UTP14C: variants seen among roughly 807,000 people sequenced by gnomAD.
UTP14C encodes the protein UTP14C small subunit processome component.
UTP14C carries 10 observed loss-of-function variants against 14.6 expected under a neutral mutation model. The observed-to-expected ratio is 0.68, with a 90% confidence interval of 0.42 to 1.16. The LOEUF is 1.16. Among genes scored for constraint, UTP14C ranks in the 50% most tolerant of loss-of-function variants. The probability of loss-of-function intolerance (pLI) is 0.00; values close to 1 mark genes in which losing one functional copy is unlikely to be tolerated. For synonymous variants in UTP14C, 315 were observed against 331.6 expected, an observed-to-expected ratio of 0.95 and a Z score of 0.54; for missense variants, 818 against 890.8, an observed-to-expected ratio of 0.92 and a Z score of 1.04.
In UTP14C at chr13:52,029,775, A is replaced by G; in HGVS notation, c.971A>G (p.Glu324Gly). The change falls in exon 2 of 2, where the codon GAA (glutamate) becomes GGA (glycine). Residue 324 changes from glutamate (E) to glycine (G), a missense_variant. Transcript: ENST00000521776. ...YDLEARQAMQ[E>G]QLAKNKELTQ... is the part of the protein sequence containing the mutation. ...CTGGAGGCTCGCCAAGCTATGCAGG[A>G]ACAGTTGGCCAAGAACAAAGAACTG... 1 of 1,614,252 alleles carries G rather than the reference A, an allele frequency of 6.2e-7. No homozygotes were observed. The highest frequency in any genetic ancestry group is 8.5e-7 in the Non-Finnish European group (1 of 1,180,044).
In UTP14C at chr13:52,031,017, A is replaced by G. The variant is rs1314789111; in HGVS notation, c.2213A>G (p.Tyr738Cys). The G allele has an allele frequency of 6.2e-7, 1 of 1,614,228 alleles. No individual in the cohort carries two copies. The highest frequency in any genetic ancestry group is 1.1e-5 in the South Asian group (1 of 91,086). The change falls in exon 2 of 2, where the codon TAC (tyrosine) becomes TGC (cysteine). Residue 738 changes from tyrosine to cysteine, a missense_variant. Transcript: ENST00000521776. Reference protein sequence around the residue: ...IKPIKAEDVGYQSSSRSDLPV... With the variant: ...IKPIKAEDVGCQSSSRSDLPV... Reference sequence around the variant, plus strand: ...CCCATAAAAGCAGAGGATGTGGGCTACCAGTCTTCCTCAAGGTCAGACCTG... The same window carrying G: ...CCCATAAAAGCAGAGGATGTGGGCTGCCAGTCTTCCTCAAGGTCAGACCTG...
chr13:52,029,849 A>C lies in UTP14C; in HGVS notation c.1045A>C (p.Thr349Pro). The C allele has an allele frequency of 1.2e-6, 2 of 1,614,220 alleles. No individual in the cohort carries two copies. The highest frequency in any genetic ancestry group is 1.7e-6 in the Non-Finnish European group (2 of 1,180,040). Reference sequence around the variant, plus strand: ...TGAGAGTGAGGAAGAGGAGGGAGGCACAGAAGTGGAAGAACTCCTTGTCCC... The same window carrying C: ...TGAGAGTGAGGAAGAGGAGGGAGGCCCAGAAGTGGAAGAACTCCTTGTCCC... ...ASESEEEEGG[T>P]EVEELLVPHV... The change falls in exon 2 of 2, where the codon ACA becomes CCA. Residue 349 changes from threonine to proline, a missense_variant. Transcript: ENST00000521776.
chr13:52,025,235 AGAAACTCAGGCACAG>A (rs1246927556), intron 1 of UTP14C, among the ~76,000 whole-genome samples: 2 of 151,406 alleles, frequency 1.3e-5, no homozygotes, highest in Admixed American at 6.6e-5. Context: ...TTATAAATAA[AGAAACTCAGGCACAG>A]GAAGGTTTAG....
chr13:52,028,239 T>G, intron 1 of UTP14C, 80 bp from the exon 2 acceptor site: 1 of 1,564,060 alleles, frequency 6.4e-7, no homozygotes, highest in Non-Finnish European at 8.8e-7. Context: ...TTAAATTTTT[T>G]GAAGATTTCT....
rs975448591 is a variant in UTP14C at position 52,030,712 on chromosome 13, G to A, written c.1908G>A (p.Val636=). 1.2e-6 allele frequency: 2 copies of A among 1,613,964 alleles called. No individual in the cohort carries two copies. Among genetic ancestry groups the A allele is most frequent in the Non-Finnish European group, 1.7e-6 (2 of 1,179,914 alleles). ...TLPGWGEWGG[V]GLKPSAKKRR... Reference sequence around the variant, plus strand: ...CTGGCTGGGGCGAGTGGGGTGGTGTGGGCCTAAAGCCCAGTGCCAAGAAAA... The same window carrying A: ...CTGGCTGGGGCGAGTGGGGTGGTGTAGGCCTAAAGCCCAGTGCCAAGAAAA... Residue 636 remains valine, a synonymous_variant, in exon 2 of 2, where the codon GTG becomes GTA. Coordinates refer to ENST00000521776, the MANE Select transcript of UTP14C (RefSeq NM_021645.6).
At position 52,030,767 on chromosome 13, in the gene UTP14C, G is replaced by C. The variant is rs1346767363; in HGVS notation, c.1963G>C (p.Gly655Arg). The C allele has an allele frequency of 1.2e-6, 2 of 1,614,128 alleles. No individual in the cohort carries two copies. Among genetic ancestry groups the C allele is most frequent in the East Asian group, 2.2e-5 (1 of 44,870 alleles). Residue 655 changes from glycine (G) to arginine (R), a missense_variant, in exon 2 of 2, where the codon GGT becomes CGT. Physicochemically the swap from Gly to Arg is moderately radical, Grantham distance 125. Coordinates refer to ENST00000521776, the MANE Select transcript of UTP14C (RefSeq NM_021645.6). Reference protein sequence around the residue: ...RRQFLIKAPEGPPRKDKNLPN... With the variant: ...RRQFLIKAPERPPRKDKNLPN... ...CCAGTTTCTCATTAAAGCCCCTGAG[G>C]GTCCTCCAAGAAAAGATAAGAATTT...
At chr13:52,027,180 A>G (rs1045220553) in intron 1 of UTP14C, among the ~76,000 whole-genome samples, 3 of 152,314 alleles carry the variant, frequency 2.0e-5, no homozygotes, top group Middle Eastern at 3.4e-3. Context: ...TCAAAAGTCA[A>G]GCACTCAGAA....
chr13:52,033,374 ATTAT>A lies in UTP14C; in HGVS notation c.*2273_*2276del, dbSNP rs1354274093. 2 of 167,082 alleles carry A rather than the reference ATTAT, an allele frequency of 1.2e-5. No homozygotes were observed. The highest frequency in any genetic ancestry group is 1.5e-5 in the Non-Finnish European group (1 of 68,116). 10.3% of individuals were successfully genotyped at this position (167,082 alleles called of 1,614,324 possible). A position where few individuals can be genotyped will look rare whatever the true frequency, so the allele number is the denominator to read the frequency against. The stretch of plus-strand genomic sequence containing the variant: ...TTTTGTGTAATAATTATTTGTAAAT[ATTAT>A]TTAGATTTGTATTTAGACATGATTT... On this transcript the variant is annotated 3_prime_UTR_variant, in exon 2 of 2. Transcript: ENST00000521776.
In UTP14C at chr13:52,029,879, G is replaced by T; in HGVS notation, c.1075G>T (p.Val359Leu). ...TEVEELLVPHVANEVQMNVDG... is the reference protein window; with the variant it reads ...TEVEELLVPHLANEVQMNVDG... Reference sequence around the variant, plus strand: ...AGTGGAAGAACTCCTTGTCCCTCATGTAGCGAATGAAGTGCAGATGAATGT... The same window carrying T: ...AGTGGAAGAACTCCTTGTCCCTCATTTAGCGAATGAAGTGCAGATGAATGT... The change falls in exon 2 of 2, where the codon GTA (valine) becomes TTA (leucine). Residue 359 changes from valine to leucine, a missense_variant. Transcript: ENST00000521776. 4 of 1,614,224 alleles carry T rather than the reference G, an allele frequency of 2.5e-6. No homozygotes were observed. The highest frequency in any genetic ancestry group is 3.4e-6 in the Non-Finnish European group (4 of 1,180,040).
At position 52,029,500 on chromosome 13, in the gene UTP14C, G is replaced by T; in HGVS notation, c.696G>T (p.Leu232=). 6.2e-7 allele frequency: 1 copy of T among 1,614,208 alleles called. No individual in the cohort carries two copies. Among genetic ancestry groups the T allele is most frequent in the South Asian group, 1.1e-5 (1 of 91,086 alleles). ...HRAELQRARA[L]QSYYEAKARK... is the part of the protein sequence containing the mutation. ...CAGAGCTTCAGAGGGCTCGGGCTCT[G>T]CAGTCCTACTATGAGGCCAAGGCTC... is the stretch of plus-strand genomic sequence containing the variant. The change falls in exon 2 of 2, where the codon CTG becomes CTT. Residue 232 remains leucine (L), a synonymous_variant. Coordinates refer to ENST00000521776, the MANE Select transcript of UTP14C (RefSeq NM_021645.6).
intron 1 of UTP14C, 142 bp downstream of exon 1, chr13:52,025,079 A>C: frequency 2.2e-6 from 2 of 898,242 alleles, no homozygotes; most frequent in Non-Finnish European, 3.5e-6. Context: ...TCCTCACTTG[A>C]GACCTTGTAA....
Position 52,030,691 on chromosome 13 carries a change from C to G in UTP14C, c.1887C>G (p.Gly629=). The part of the protein sequence containing the change: ...KPKDVDLTLP[G]WGEWGGVGLK... ...AGGACGTGGACCTGACACTACCTGG[C>G]TGGGGCGAGTGGGGTGGTGTGGGCC... The change falls in exon 2 of 2, where the codon GGC becomes GGG. Residue 629 remains glycine (G), a synonymous_variant. Coordinates refer to ENST00000521776, the MANE Select transcript of UTP14C (RefSeq NM_021645.6). 2 of 1,614,204 alleles carry G rather than the reference C, an allele frequency of 1.2e-6. No individual in the cohort carries two copies. Among genetic ancestry groups the G allele is most frequent in the South Asian group, 2.2e-5 (2 of 91,088 alleles).
At position 52,032,750 on chromosome 13, in the gene UTP14C, A is replaced by C. The variant is rs1954317718; in HGVS notation, c.*1645A>C. On this transcript the variant is annotated 3_prime_UTR_variant, in exon 2 of 2. Transcript: ENST00000521776. ...TCCCATTTAGAAAAAGACTGGTAGA[A>C]ATTGGAGTGAAAGGAACCCTACAGA... The C allele has an allele frequency of 6.0e-6, 1 of 167,114 alleles. No homozygotes were observed. Among genetic ancestry groups the C allele is most frequent in the Non-Finnish European group, 1.5e-5 (1 of 68,118 alleles). 10.4% of individuals were successfully genotyped at this position (167,114 alleles called of 1,614,324 possible). A position where few individuals can be genotyped will look rare whatever the true frequency, so the allele number is the denominator to read the frequency against.
intron 1 of UTP14C, among the ~76,000 whole-genome samples, chr13:52,026,200 G>T (rs116389781): frequency 6.6e-6 from 1 of 152,214 alleles, no homozygotes. Flanking sequence ...CCAAGGAAAT[G>T]ATGTGACACT....
rs1954306008 is a variant in UTP14C, at chr13:52,031,588, G to C, written c.*483G>C. On this transcript the variant is annotated 3_prime_UTR_variant, in exon 2 of 2. Transcript: ENST00000521776. ...TGTCCCTTAACAGTGCCGCATCTCA[G>C]CCTGGAAGTCAGCTTTAAGTCATTC... is the stretch of plus-strand genomic sequence containing the variant. The C allele has an allele frequency of 5.8e-6, 1 of 172,672 alleles. No individual in the cohort carries two copies. 10.7% of individuals were successfully genotyped at this position (172,672 alleles called of 1,614,324 possible). A position where few individuals can be genotyped will look rare whatever the true frequency, so the allele number is the denominator to read the frequency against.
At chr13:52,027,370 A>G (rs1234139897) in intron 1 of UTP14C, among the ~76,000 whole-genome samples, 3 of 152,128 alleles carry the variant, frequency 2.0e-5, no homozygotes, top group Non-Finnish European at 4.4e-5. Flanking sequence ...AGGGTAAAAG[A>G]TGCAGGTCTC....
At position 52,028,413 on chromosome 13, in the gene UTP14C, A is replaced by G; in HGVS notation, c.-392A>G. The G allele has an allele frequency of 6.2e-7, 1 of 1,614,180 alleles. No individual in the cohort carries two copies. The highest frequency in any genetic ancestry group is 1.1e-5 in the South Asian group (1 of 91,086). ...TTGTGGTTCCTCACGAAGGAGATATAACTGGCTTTCTGGCTGAGAGTGAAG... is the reference window on the plus strand; with the variant it reads ...TTGTGGTTCCTCACGAAGGAGATATGACTGGCTTTCTGGCTGAGAGTGAAG... On this transcript the variant is annotated 5_prime_UTR_variant, in exon 2 of 2. The change creates a new upstream start codon in the 5' untranslated region. Coordinates refer to ENST00000521776, the MANE Select transcript of UTP14C (RefSeq NM_021645.6).
chr13:52,026,191 C>A (rs544308904), intron 1 of UTP14C, among the ~76,000 whole-genome samples: 4 of 152,214 alleles, frequency 2.6e-5, no homozygotes, highest in Middle Eastern at 3.4e-3. Flanking sequence ...AACAGTTGCC[C>A]AAGGAAATGA....
At chr13:52,026,223 G>A (rs992085404) in intron 1 of UTP14C, among the ~76,000 whole-genome samples, 3 of 152,196 alleles carry the variant, frequency 2.0e-5, no homozygotes, top group Non-Finnish European at 4.4e-5. Context: ...AGCAGGACCC[G>A]AACAATAGAG....
Sources: allele counts gnomAD v4.1 joint callset (sites outside exome capture counted in the v4.1 genomes callset), GRCh38; gene constraint gnomAD v4.1.1; transcripts MANE v1.5; gene names NCBI Gene and HGNC (gene_info 2026-07-23, HGNC 2026-07-21).